The following DPYD variants were observed in gnomAD, a reference collection of about 807,000 sequenced individuals.
DPYD encodes dihydropyrimidine dehydrogenase, also known as dihydropyrimidine dehydrogenase [NADP(+)].
In DPYD, 109 loss-of-function variants were observed where a neutral mutation model predicts 116.2. That is an observed-to-expected ratio of 0.94 (90% CI 0.80 to 1.10). The LOEUF (loss-of-function observed/expected upper bound fraction) is 1.10. Ranked by LOEUF, DPYD falls within the 50% of genes least tolerant of loss-of-function variation. DPYD has a pLI of 0.00. For missense variants in DPYD, 1,302 were observed against 1,254.5 expected (o/e 1.04, Z -0.57); for synonymous variants, 440 against 432.0 (o/e 1.02, Z -0.23).
intron 12 of DPYD, among the ~76,000 whole-genome samples, chr1:97,520,191 T>C (rs924549973): frequency 3.3e-5 from 5 of 152,082 alleles, no homozygotes; most frequent in African/African-American, 1.2e-4. Flanking sequence ...GTTAAAAAGA[T>C]GAACAAAACA....
At chr1:97,820,155 C>T (rs1668847265) in intron 3 of DPYD, among the ~76,000 whole-genome samples, 1 of 152,072 alleles carries the variant, frequency 6.6e-6, no homozygotes, top group Admixed American at 6.6e-5. Flanking sequence ...GCAATATTAA[C>T]ATAACCCAAA....
intron 19 of DPYD, among the ~76,000 whole-genome samples, chr1:97,206,920 TGTAA>T (rs980726708): frequency 1.1e-4 from 17 of 151,630 alleles, no homozygotes; most frequent in African/African-American, 3.4e-4. Context: ...ATAGATTTCT[TGTAA>T]GTATTATATC....
At chr1:97,274,006 T>C (rs549487707) in intron 18 of DPYD, among the ~76,000 whole-genome samples, 1 of 152,310 alleles carries the variant, frequency 6.6e-6, no homozygotes, top group South Asian at 2.1e-4. Context: ...TCTAAATTAT[T>C]ATCATCACAG....
chr1:97,892,762 T>C (rs1039258479), intron 1 of DPYD, among the ~76,000 whole-genome samples: 1 of 151,838 alleles, frequency 6.6e-6, no homozygotes, highest in South Asian at 2.1e-4. Flanking sequence ...TTTCCCTTTA[T>C]GCACAGTGGG....
intron 3 of DPYD, among the ~76,000 whole-genome samples, chr1:97,812,656 T>C (rs1668394585): frequency 1.3e-5 from 2 of 152,090 alleles, no homozygotes; most frequent in Admixed American, 6.6e-5. Context: ...TTTGGCATTT[T>C]AAAAAATACT....
chr1:97,704,107 C>G (rs1661762718), intron 5 of DPYD, among the ~76,000 whole-genome samples: 1 of 152,016 alleles, frequency 6.6e-6, no homozygotes, highest in Non-Finnish European at 1.5e-5. Flanking sequence ...GGCCCTCTAT[C>G]CCTTTAAAAC....
intron 10 of DPYD, among the ~76,000 whole-genome samples, chr1:97,584,483 C>T (rs1333241515): frequency 6.6e-6 from 1 of 152,004 alleles, no homozygotes; most frequent in East Asian, 1.9e-4. Flanking sequence ...GAAGTCCTTG[C>T]CCATGCCTAT....
At chr1:97,668,993 A>C (rs958485994) in intron 8 of DPYD, among the ~76,000 whole-genome samples, 3 of 152,152 alleles carry the variant, frequency 2.0e-5, no homozygotes, top group African/African-American at 7.2e-5. Flanking sequence ...CTTAATCTCC[A>C]AATTTAACTT....
intron 10 of DPYD, among the ~76,000 whole-genome samples, chr1:97,585,109 A>G (rs1654005468): frequency 6.6e-6 from 1 of 152,154 alleles, no homozygotes; most frequent in Non-Finnish European, 1.5e-5. Flanking sequence ...CTTTTAATAT[A>G]TTGGCTAATT....
intron 7 of DPYD, among the ~76,000 whole-genome samples, chr1:97,680,208 T>G (rs1660360253): frequency 6.6e-6 from 1 of 152,124 alleles, no homozygotes; most frequent in Non-Finnish European, 1.5e-5. Context: ...GTAAGAGCTA[T>G]AAAAGCTATC....
At chr1:97,425,075 AT>A (rs1674789477) in intron 14 of DPYD, among the ~76,000 whole-genome samples, 1 of 152,190 alleles carries the variant, frequency 6.6e-6, no homozygotes, top group East Asian at 1.9e-4. Flanking sequence ...AGGGTATCGC[AT>A]TATAAAATAC....
At chr1:97,399,249 A>C (rs1397583837) in intron 14 of DPYD, among the ~76,000 whole-genome samples, 2 of 152,112 alleles carry the variant, frequency 1.3e-5, no homozygotes, top group Non-Finnish European at 2.9e-5. Context: ...CAAAGATCAG[A>C]TAGTTGTAGA....
chr1:97,778,763 T>C (rs953903656), intron 3 of DPYD, among the ~76,000 whole-genome samples: 3 of 152,142 alleles, frequency 2.0e-5, no homozygotes, highest in African/African-American at 7.2e-5. Flanking sequence ...TAAGTAATAC[T>C]GAAAATCAAA....
chr1:97,911,028 TAC>T (rs1673906220), intron 1 of DPYD, among the ~76,000 whole-genome samples: 1 of 152,096 alleles, frequency 6.6e-6, no homozygotes. Context: ...TTCAAACAAA[TAC>T]AAATTAAACG....
At chr1:97,217,291 C>T (rs932321752) in intron 19 of DPYD, among the ~76,000 whole-genome samples, 1 of 152,144 alleles carries the variant, frequency 6.6e-6, no homozygotes, top group Non-Finnish European at 1.5e-5. Flanking sequence ...GTTTGTATTT[C>T]AGTGTTGTAC....
At chr1:97,828,235 C>A in intron 2 of DPYD, 39 bp from the exon 3 acceptor site, 13 of 1,591,308 alleles carry the variant, frequency 8.2e-6, no homozygotes, top group South Asian at 1.1e-5. Context: ...TCTCTAAGAT[C>A]CTGAGAAAAA....
intron 3 of DPYD, among the ~76,000 whole-genome samples, chr1:97,755,789 C>G (rs1486403201): frequency 3.9e-5 from 6 of 152,090 alleles, no homozygotes; most frequent in African/African-American, 1.4e-4. Flanking sequence ...TAATTATAGT[C>G]TAGACATCAT....
chr1:97,305,391 C>A lies in DPYD; in HGVS notation c.2180-13G>T. Reference sequence around the variant, plus strand: ...CCATTGGCACCACCTATGCAAGACACATCAACATTTTCATGCAGCTCTTAT... The same window carrying A: ...CCATTGGCACCACCTATGCAAGACAAATCAACATTTTCATGCAGCTCTTAT... On this transcript the variant is annotated splice_polypyrimidine_tract_variant and intron_variant, in intron 17 of 22. Coordinates refer to ENST00000370192, the MANE Select transcript of DPYD (RefSeq NM_000110.4). 1 of 1,611,968 alleles carries A rather than the reference C, an allele frequency of 6.2e-7. No individual in the cohort carries two copies. Among genetic ancestry groups the A allele is most frequent in the Non-Finnish European group, 8.5e-7 (1 of 1,178,588 alleles).
intron 5 of DPYD, 96 bp from the exon 6 acceptor site, chr1:97,699,643 G>C: frequency 1.7e-6 from 2 of 1,180,566 alleles, no homozygotes; most frequent in Non-Finnish European, 2.5e-6. Context: ...GTTTTAAATA[G>C]CAATGAGCAG....
Sources: gnomAD v4.1 joint callset for allele counts (sites outside exome capture counted in the v4.1 genomes callset) on GRCh38, gnomAD v4.1.1 for gene constraint, MANE v1.5 for transcripts, NCBI Gene and HGNC (gene_info 2026-07-23, HGNC 2026-07-21) for gene names.